The following PACRG variants were observed in gnomAD, a reference collection of about 807,000 sequenced individuals.
PACRG encodes parkin coregulated, also known as parkin coregulated gene protein.
Under a neutral mutation model 29.7 loss-of-function variants are expected in PACRG, and 29 were observed. That is an observed-to-expected ratio of 0.98 (90% confidence interval 0.73 to 1.33). The LOEUF is 1.33. Ranked by LOEUF, PACRG falls within the 40% of genes most tolerant of loss-of-function variation. The pLI, the probability that PACRG is intolerant of heterozygous loss-of-function variation, is 0.00. For synonymous variants in PACRG, 116 were observed against 118.7 expected, an observed-to-expected ratio of 0.98 and a Z score of 0.15; for missense variants, 279 against 316.2, an observed-to-expected ratio of 0.88 and a Z score of 0.89.
chr6:163,227,030 T>G (rs900499203), intron 4 of PACRG, among the ~76,000 whole-genome samples: 1 of 152,150 alleles, frequency 6.6e-6, no homozygotes, highest in Non-Finnish European at 1.5e-5. Context: ...CCACATAAGA[T>G]TCCACGGGAA....
intron 2 of PACRG, among the ~76,000 whole-genome samples, chr6:163,021,918 C>T (rs951725139): frequency 6.6e-6 from 1 of 152,240 alleles, no homozygotes; most frequent in African/African-American, 2.4e-5. Flanking sequence ...TTTATGATAA[C>T]ATTCTCTTAT....
chr6:163,042,919 G>A (rs912470124), intron 2 of PACRG: 107 of 150,552 alleles, frequency 7.1e-4, no homozygotes, highest in Admixed American at 2.5e-3. Flanking sequence ...GGAATTGTCT[G>A]TACCCAAAAT....
At chr6:163,058,978 C>T (rs983434507) in intron 2 of PACRG, among the ~76,000 whole-genome samples, 6 of 151,594 alleles carry the variant, frequency 4.0e-5, no homozygotes, top group African/African-American at 1.5e-4. Flanking sequence ...ACTCAGGAGG[C>T]TGAGGCAGGA....
chr6:163,196,200 A>G (rs997102136), intron 4 of PACRG, among the ~76,000 whole-genome samples: 2 of 152,248 alleles, frequency 1.3e-5, no homozygotes, highest in Non-Finnish European at 2.9e-5. Flanking sequence ...TGCCCTGCAC[A>G]TGATAAGCAC....
Position 163,089,331 on chromosome 6 carries a change from C to G in PACRG, c.536C>G (p.Ala179Gly), listed in dbSNP as rs760476268. ...GTCCTCCAGCATCTGGTTGTGTCAG[C>G]TGAGATGGTGGGCAAGGCCTTGGTG... ...LKVLQHLVVSAEMVGKALVPY... is the reference protein window; with the variant it reads ...LKVLQHLVVSGEMVGKALVPY... The change falls in exon 4 of 5, where the codon GCT (alanine) becomes GGT (glycine). Residue 179 changes from alanine (A) to glycine (G), a missense_variant. Coordinates refer to ENST00000366888, the MANE Select transcript of PACRG (RefSeq NM_001080379.2). 2 of 1,614,124 alleles carry G rather than the reference C, an allele frequency of 1.2e-6. No homozygotes were observed. The highest frequency in any genetic ancestry group is 1.7e-6 in the Non-Finnish European group (2 of 1,180,004).
chr6:162,912,269 C>G (rs1437078599), intron 2 of PACRG, among the ~76,000 whole-genome samples: 2 of 152,202 alleles, frequency 1.3e-5, no homozygotes, highest in Non-Finnish European at 2.9e-5. Flanking sequence ...CAATTCCCTT[C>G]TGCCACTAAT....
chr6:163,136,989 GT>G (rs1816962474), intron 4 of PACRG, among the ~76,000 whole-genome samples: 1 of 152,156 alleles, frequency 6.6e-6, no homozygotes, highest in South Asian at 2.1e-4. Context: ...AAGATGAATA[GT>G]TTAAACGGAA....
At chr6:162,784,408 T>C (rs1023362357) in intron 1 of PACRG, among the ~76,000 whole-genome samples, 3 of 152,186 alleles carry the variant, frequency 2.0e-5, no homozygotes, top group Non-Finnish European at 4.4e-5. Context: ...TAGAGGAAGA[T>C]AGAGCTGCAA....
intron 4 of PACRG, among the ~76,000 whole-genome samples, chr6:163,240,135 G>A (rs1411702495): frequency 1.3e-5 from 2 of 151,950 alleles, no homozygotes; most frequent in Non-Finnish European, 2.9e-5. Flanking sequence ...TATTCCCAGA[G>A]CTCTGCTTCC....
chr6:162,808,244 T>A (rs1786532740), intron 1 of PACRG, among the ~76,000 whole-genome samples: 1 of 152,206 alleles, frequency 6.6e-6, no homozygotes, highest in Non-Finnish European at 1.5e-5. Flanking sequence ...CTGACAGAAC[T>A]CAAGTCAACA....
At chr6:162,917,323 T>C (rs1007988510) in intron 2 of PACRG, among the ~76,000 whole-genome samples, 1 of 152,100 alleles carries the variant, frequency 6.6e-6, no homozygotes, top group African/African-American at 2.4e-5. Context: ...GCCTCAGCAA[T>C]ATGGCCATCC....
At chr6:162,826,391 A>G (rs1788278609) in intron 2 of PACRG, among the ~76,000 whole-genome samples, 1 of 152,096 alleles carries the variant, frequency 6.6e-6, no homozygotes, top group Non-Finnish European at 1.5e-5. Context: ...GTGTATTTAC[A>G]TGTATATGCA....
At chr6:162,767,332 A>G (rs1430371702) in intron 1 of PACRG, among the ~76,000 whole-genome samples, 1 of 151,980 alleles carries the variant, frequency 6.6e-6, no homozygotes, top group Non-Finnish European at 1.5e-5. Context: ...TTCTATATTT[A>G]CATAAAGTTC....
chr6:163,196,507 G>A (rs1780458474), intron 4 of PACRG, among the ~76,000 whole-genome samples: 1 of 152,166 alleles, frequency 6.6e-6, no homozygotes. Context: ...AGGGTTTGAG[G>A]CAACATTAGG....
chr6:163,184,783 C>T (rs1480371759), intron 4 of PACRG: 1 of 152,156 alleles, frequency 6.6e-6, no homozygotes, highest in Non-Finnish European at 1.5e-5. Context: ...AAGAAACCTA[C>T]GTACAGGCAC....
chr6:163,129,798 A>G (rs990878430), intron 4 of PACRG, among the ~76,000 whole-genome samples: 4 of 151,032 alleles, frequency 2.6e-5, no homozygotes, highest in African/African-American at 7.4e-5. Flanking sequence ...CAGTTTCCTC[A>G]TCTACATCAT....
intron 1 of PACRG, among the ~76,000 whole-genome samples, chr6:162,788,089 T>A (rs565404620): frequency 4.9e-4 from 75 of 152,256 alleles, no homozygotes; most frequent in African/African-American, 1.7e-3. Flanking sequence ...TTTTGACAGA[T>A]AAATAACGAC....
intron 4 of PACRG, among the ~76,000 whole-genome samples, chr6:163,134,446 C>T (rs1816851085): frequency 6.6e-6 from 1 of 152,136 alleles, no homozygotes; most frequent in Non-Finnish European, 1.5e-5. Context: ...TAGAGCCCTT[C>T]TAAGTGCAGG....
At chr6:162,850,170 T>C (rs553662043) in intron 2 of PACRG, among the ~76,000 whole-genome samples, 2 of 152,338 alleles carry the variant, frequency 1.3e-5, no homozygotes, top group South Asian at 4.1e-4. Flanking sequence ...ATCTCATGTG[T>C]GTAAGTAAAA....
Sources: allele counts gnomAD v4.1 joint callset (sites outside exome capture counted in the v4.1 genomes callset), GRCh38; gene constraint gnomAD v4.1.1; transcripts MANE v1.5; gene names NCBI Gene and HGNC (gene_info 2026-07-23, HGNC 2026-07-21).